GGPS1: variants seen among roughly 807,000 people sequenced by gnomAD.
GGPS1 encodes geranylgeranyl pyrophosphate synthase.
Under a neutral mutation model 28.1 loss-of-function variants are expected in GGPS1, and 15 were observed. The observed-to-expected ratio is 0.53, with a 90% confidence interval of 0.36 to 0.82. The LOEUF (loss-of-function observed/expected upper bound fraction) is 0.82, where lower values mean the gene tolerates loss of function less well. Among genes scored for constraint, GGPS1 ranks in the 40% least tolerant of loss-of-function variants. The pLI, the probability that GGPS1 is intolerant of heterozygous loss-of-function variation, is 0.01. For synonymous variants in GGPS1, 138 were observed against 122.4 expected, an observed-to-expected ratio of 1.13 and a Z score of -0.84; for missense variants, 284 against 348.3, an observed-to-expected ratio of 0.82 and a Z score of 1.47.
At chr1:235,327,227 C>T (rs1276450610), upstream of GGPS1, 7 of 299,988 alleles carry the variant, frequency 2.3e-5, no homozygotes, top group Non-Finnish European at 4.4e-5. Flanking sequence ...ACAATGACGC[C>T]ATTTCTGTCA....
intron 1 of GGPS1, among the ~76,000 whole-genome samples, chr1:235,331,997 A>G (rs191123822): frequency 3.3e-5 from 5 of 152,228 alleles, no homozygotes; most frequent in African/African-American, 7.2e-5. Flanking sequence ...CAGCACTTCT[A>G]CACTCGTAAT....
chr1:235,341,906 T>A, intron 3 of GGPS1, 105 bp from the exon 4 acceptor site: 1 of 868,418 alleles, frequency 1.2e-6, no homozygotes, highest in Non-Finnish European at 1.8e-6. Flanking sequence ...GCTAAATATT[T>A]ATTAGTTGTG....
chr1:235,337,326 G>A (rs79213179), intron 2 of GGPS1, among the ~76,000 whole-genome samples: 6,955 of 152,146 alleles, frequency 0.046, 523 homozygotes, highest in African/African-American at 0.15. Flanking sequence ...ACCACCTTCT[G>A]TGACTTCCTT....
In GGPS1 at chr1:235,343,728, A is replaced by T. The variant is rs76362749; in HGVS notation, c.*956A>T. The T allele has an allele frequency of 6.0e-6, 1 of 166,850 alleles. No individual in the cohort carries two copies. Among genetic ancestry groups the T allele is most frequent in the Non-Finnish European group, 1.5e-5 (1 of 68,090 alleles). 10.3% of individuals were successfully genotyped at this position (166,850 alleles called of 1,614,324 possible). On this transcript the variant is annotated 3_prime_UTR_variant, in exon 4 of 4. Coordinates refer to ENST00000282841, the MANE Select transcript of GGPS1 (RefSeq NM_004837.4). ...TCCCTTGTAACATTTATGTGCCCCA[A>T]ACTGGTTAGTATATGGGTACAGCAT...
intron 1 of GGPS1, among the ~76,000 whole-genome samples, chr1:235,331,668 A>G (rs1311986246): frequency 6.7e-6 from 1 of 148,676 alleles, no homozygotes; most frequent in Non-Finnish European, 1.5e-5. Flanking sequence ...AGCTTTCATC[A>G]TATTCTCAAA....
intron 1 of GGPS1, among the ~76,000 whole-genome samples, chr1:235,331,020 A>G (rs1420453694): frequency 6.6e-6 from 1 of 152,332 alleles, no homozygotes; most frequent in Admixed American, 6.5e-5. Flanking sequence ...AATCCCTGAT[A>G]ATAAGGTCAC....
At chr1:235,327,279 G>A (rs373961083), upstream of GGPS1, 15 of 184,384 alleles carry the variant, frequency 8.1e-5, no homozygotes, top group East Asian at 2.0e-3. Flanking sequence ...GCGCAGGGCC[G>A]GCCGCTCTCC....
At chr1:235,335,824 A>G (rs1675845897) in intron 2 of GGPS1, among the ~76,000 whole-genome samples, 1 of 152,228 alleles carries the variant, frequency 6.6e-6, no homozygotes, top group Non-Finnish European at 1.5e-5. Flanking sequence ...CTGTTTAGAT[A>G]TTAGGGGAAG....
intron 2 of GGPS1, among the ~76,000 whole-genome samples, chr1:235,336,147 C>A (rs557930101): frequency 5.5e-4 from 84 of 152,336 alleles, no homozygotes; most frequent in Non-Finnish European, 9.3e-4. Flanking sequence ...AATCCCAGCA[C>A]TTTTTGAGGC....
intron 1 of GGPS1, among the ~76,000 whole-genome samples, chr1:235,333,443 C>T (rs1025621135): frequency 6.6e-6 from 1 of 151,880 alleles, no homozygotes; most frequent in Non-Finnish European, 1.5e-5. Context: ...GTGGCAAGAA[C>T]CTGTAATCCC....
At chr1:235,333,842 T>C (rs186815317) in intron 1 of GGPS1, among the ~76,000 whole-genome samples, 225 of 152,308 alleles carry the variant, frequency 1.5e-3, no homozygotes, top group Admixed American at 2.7e-3. Flanking sequence ...AGAAGTGGGC[T>C]CAGGATTCTA....
chr1:235,333,590 T>C (rs1572268425), intron 1 of GGPS1, among the ~76,000 whole-genome samples: 1 of 150,228 alleles, frequency 6.7e-6, no homozygotes. Context: ...CAAAAGGACC[T>C]TTGAGCAATC....
intron 1 of GGPS1, among the ~76,000 whole-genome samples, 185 bp from the exon 2 acceptor site, chr1:235,335,057 C>T (rs748897042): frequency 3.3e-5 from 5 of 152,174 alleles, no homozygotes; most frequent in African/African-American, 7.2e-5. Flanking sequence ...TTAAGCTATC[C>T]GCCCGCCTCA....
chr1:235,341,268 A>G (rs921021931), intron 2 of GGPS1, among the ~76,000 whole-genome samples: 4 of 152,164 alleles, frequency 2.6e-5, no homozygotes, highest in Non-Finnish European at 5.9e-5. Flanking sequence ...TGGAGTTTGC[A>G]GTGAGCCGAG....
In GGPS1 at chr1:235,342,605, T is replaced by TA. The variant is rs753521764; in HGVS notation, c.737dup (p.Tyr246Ter). 4 of 1,611,674 alleles carry TA rather than the reference T, an allele frequency of 2.5e-6. No individual in the cohort carries two copies. Among genetic ancestry groups the TA allele is most frequent in the Non-Finnish European group, 2.5e-6 (3 of 1,177,764 alleles). The change falls in exon 4 of 4, where the codon TAC (tyrosine) becomes TAAC (stop). Residue 246 changes from tyrosine to a stop codon, truncating the protein, a stop_gained and frameshift_variant. Transcript: ENST00000282841. LOFTEE classifies it high-confidence loss of function. Reference sequence around the variant, plus strand: ...AACAGAAAACATAGATATAAAAAAATACTGTGTACATTATCTTGAGGATGT... The same window carrying TA: ...AACAGAAAACATAGATATAAAAAAATAACTGTGTACATTATCTTGAGGATGT... ...QRTENIDIKKYCVHYLEDVGS... is the reference protein window; with the variant it reads ...QRTENIDIKK
intron 1 of GGPS1, among the ~76,000 whole-genome samples, chr1:235,333,658 CCTCA>C (rs1380295577): frequency 6.6e-6 from 1 of 151,872 alleles, no homozygotes; most frequent in African/African-American, 2.4e-5. Flanking sequence ...AGAAAGTGGC[CCTCA>C]CTCAAGCAAA....
In GGPS1 at chr1:235,342,894, G is replaced by A. The variant is rs562183468; in HGVS notation, c.*122G>A. 6 of 622,246 alleles carry A rather than the reference G, an allele frequency of 9.6e-6. No individual in the cohort carries two copies. Among genetic ancestry groups the A allele is most frequent in the South Asian group, 6.8e-5 (3 of 44,210 alleles). 38.5% of individuals were successfully genotyped at this position (622,246 alleles called of 1,614,324 possible). ...AGAAACAGTAAATAGGTGAGTAGGG[G>A]TGGTGCAAGTGAATTCGTTTTCATT... On this transcript the variant is annotated 3_prime_UTR_variant, in exon 4 of 4. Transcript: ENST00000282841.
chr1:235,335,538 T>A (rs535183906), intron 2 of GGPS1, among the ~76,000 whole-genome samples: 1 of 152,150 alleles, frequency 6.6e-6, no homozygotes. Flanking sequence ...ACATACCTGT[T>A]GTCCCACCTA....
rs749356073 is a variant in GGPS1 at position 235,328,766 on chromosome 1, T to C, written c.-36T>C. ...GACCGGCGGCGTGAAAGTCGTGATATCATCGTTGAACTGTGAGCGGCAGTG... is the reference window on the plus strand; with the variant it reads ...GACCGGCGGCGTGAAAGTCGTGATACCATCGTTGAACTGTGAGCGGCAGTG... On this transcript the variant is annotated 5_prime_UTR_variant, in exon 1 of 4. Coordinates refer to ENST00000282841, the MANE Select transcript of GGPS1 (RefSeq NM_004837.4). The C allele has an allele frequency of 2.0e-5, 3 of 150,948 alleles. No homozygotes were observed. The highest frequency in any genetic ancestry group is 1.3e-4 in the Admixed American group (2 of 15,092). The allele number at this position is 150,948 out of a possible 1,614,324, so 9.4% of individuals were successfully genotyped here.
Sources: gnomAD v4.1 joint callset for allele counts (sites outside exome capture counted in the v4.1 genomes callset) on GRCh38, gnomAD v4.1.1 for gene constraint, MANE v1.5 for transcripts, NCBI Gene and HGNC (gene_info 2026-07-23, HGNC 2026-07-21) for gene names.